Variants in MCF2L observed in about 807,000 individuals in gnomAD.
The protein encoded by MCF2L is MCF.2 cell line derived transforming sequence like.
In MCF2L, 97 loss-of-function variants were observed where a neutral mutation model predicts 153.4. The observed-to-expected ratio is 0.63, with a 90% CI of 0.54 to 0.75. The LOEUF (loss-of-function observed/expected upper bound fraction) is 0.75, where lower values mean the gene tolerates loss of function less well. Ranked by LOEUF, MCF2L falls within the 30% of genes least tolerant of loss-of-function variation. The pLI is 0.00. For synonymous variants in MCF2L, 659 were observed against 632.2 expected (o/e 1.04, Z -0.64); for missense variants, 1,347 against 1,495.2 (o/e 0.90, Z 1.64).
intron 4 of MCF2L, among the ~76,000 whole-genome samples, chr13:113,050,728 GGGGGGGCGGGGGGAGCGGGGGGGT>G: frequency 1.2e-4 from 3 of 25,518 alleles, no homozygotes; most frequent in African/African-American, 3.6e-4. Flanking sequence ...GGCGGGGGCG[GGGGGGGCGGGGGGAGCGGGGGGGT>G]GCGGGGGGCG....
chr13:112,938,270 T>A (rs536907180), intron 2 of MCF2L, among the ~76,000 whole-genome samples: 5 of 149,442 alleles, frequency 3.3e-5, no homozygotes, highest in Admixed American at 3.3e-4. Context: ...ATGGGTTGGT[T>A]CAGGTGAGCG....
chr13:112,950,639 T>C lies in MCF2L; in HGVS notation c.169+48268T>C, dbSNP rs1415044791. 2.0e-5 allele frequency among the ~76,000 whole-genome samples: 3 copies of C among 152,198 alleles called. 1 individual carries two copies. The highest frequency in any genetic ancestry group is 2.0e-4 in the Admixed American group (3 of 15,282). On this transcript the variant is annotated intron_variant, in intron 2 of 29. Transcript: ENST00000375608. Reference sequence around the variant, plus strand: ...AATTCAGTGGAAGAAAGATAGTCTTTTCAACAAATAGTGCTGAAGTAATTG... The same window carrying C: ...AATTCAGTGGAAGAAAGATAGTCTTCTCAACAAATAGTGCTGAAGTAATTG...
chr13:113,094,703 C>T (rs1479370961), intron 27 of MCF2L, 68 bp downstream of exon 27: 2 of 1,535,048 alleles, frequency 1.3e-6, no homozygotes, highest in Non-Finnish European at 1.8e-6. Flanking sequence ...GTGCTTCTGG[C>T]AGGTCCACCC....
chr13:113,020,207 TA>T (rs1396084706), intron 2 of MCF2L, among the ~76,000 whole-genome samples: 1 of 152,220 alleles, frequency 6.6e-6, no homozygotes. Flanking sequence ...CATAGTAAAT[TA>T]ACCACTGGAA....
In MCF2L at chr13:113,014,843, T is replaced by C; in HGVS notation, c.160T>C (p.Ser54Pro). ...DQLKKRFAYL[S>P]GGRGQDGSPV... ...GCTAAAGAAGCGCTTTGCTTACCTGTCCGGTGAGTTCCAGAAGCTGGGATG... is the reference window on the plus strand; with the variant it reads ...GCTAAAGAAGCGCTTTGCTTACCTGCCCGGTGAGTTCCAGAAGCTGGGATG... The change falls in exon 2 of 30, where the codon TCC becomes CCC. Residue 54 changes from serine (S) to proline (P), a missense_variant. Physicochemically the swap from Ser to Pro is moderately conservative, Grantham distance 74. Coordinates refer to ENST00000535094, the MANE Select transcript of MCF2L (RefSeq NM_001112732.3). The C allele has an allele frequency of 6.2e-7, 1 of 1,612,952 alleles. No homozygotes were observed. Among genetic ancestry groups the C allele is most frequent in the Non-Finnish European group, 8.5e-7 (1 of 1,179,256 alleles).
Position 112,979,599 on chromosome 13 carries a change from C to T in MCF2L, c.79+10141C>T, listed in dbSNP as rs545692471. On this transcript the variant is annotated intron_variant, in intron 1 of 29. Transcript: ENST00000535094. ...CTGTGGCTCTAGCATCAGGGGGTCGCCTGTGGTCCCTGCGTGAAGAACCAG... is the reference window on the plus strand; with the variant it reads ...CTGTGGCTCTAGCATCAGGGGGTCGTCTGTGGTCCCTGCGTGAAGAACCAG... 1.8e-3 allele frequency: 2,913 copies of T among 1,603,482 alleles called. 3 individuals are homozygous for T. Among genetic ancestry groups the T allele is most frequent in the Non-Finnish European group, 2.1e-3 (2,526 of 1,176,246 alleles).
chr13:113,057,974 G>T (rs1407141348), intron 4 of MCF2L, among the ~76,000 whole-genome samples: 5 of 145,080 alleles, frequency 3.4e-5, no homozygotes, highest in Non-Finnish European at 7.5e-5. Context: ...CACTGTTTGG[G>T]TGCTGAGTGT....
intron 4 of MCF2L, among the ~76,000 whole-genome samples, chr13:113,050,793 G>A (rs1484268776): frequency 2.3e-4 from 33 of 146,394 alleles, no homozygotes; most frequent in Non-Finnish European, 4.2e-4. Context: ...GCAGGGGGCG[G>A]TGGGAGCGGT....
Position 113,087,246 on chromosome 13 carries a change from C to T in MCF2L, c.2385C>T (p.Gly795=), listed in dbSNP as rs117189528. ...IAITGYDGNL[G]DLGKLLMQGS... ...TGTCGCACATTTAGGGGAATCTCGGCGACCTGGGCAAGCTGCTGATGCAGG... is the reference window on the plus strand; with the variant it reads ...TGTCGCACATTTAGGGGAATCTCGGTGACCTGGGCAAGCTGCTGATGCAGG... Residue 795 remains glycine (G), a synonymous_variant, in exon 22 of 30, where the codon GGC becomes GGT. Coordinates refer to ENST00000535094, the MANE Select transcript of MCF2L (RefSeq NM_001112732.3). 3,160 of 1,611,416 alleles carry T rather than the reference C, an allele frequency of 2.0e-3. 5 individuals carry two copies. The highest frequency in any genetic ancestry group is 2.4e-3 in the Non-Finnish European group (2,860 of 1,179,672).
chr13:113,081,890 T>C (rs1221357603), intron 16 of MCF2L, among the ~76,000 whole-genome samples: 1 of 151,156 alleles, frequency 6.6e-6, no homozygotes, highest in Non-Finnish European at 1.5e-5. Flanking sequence ...CAGGTGGTGG[T>C]CAACTGAGTG....
chr13:113,014,864 G>T lies in MCF2L; in HGVS notation c.163+18G>T. On this transcript the variant is annotated intron_variant, in intron 2 of 29. Coordinates refer to ENST00000535094, the MANE Select transcript of MCF2L (RefSeq NM_001112732.3). ...CCTGTCCGGTGAGTTCCAGAAGCTG[G>T]GATGGGGTGGAGAGGGAGGGGTCTG... 6.2e-7 allele frequency: 1 copy of T among 1,612,620 alleles called. No individual in the cohort carries two copies.
At chr13:112,909,201 C>G (rs1024375347) in intron 2 of MCF2L, 5 of 779,402 alleles carry the variant, frequency 6.4e-6, no homozygotes, top group Non-Finnish European at 1.2e-5. Context: ...GAGGGAGCCC[C>G]TGTAACCAAC....
At chr13:112,948,611 A>G (rs2081660628) in intron 2 of MCF2L, among the ~76,000 whole-genome samples, 1 of 152,216 alleles carries the variant, frequency 6.6e-6, no homozygotes, top group Non-Finnish European at 1.5e-5. Context: ...TGAGAGGGGA[A>G]TTTTTAGCAC....
At chr13:112,931,760 A>G (rs2081466072) in intron 2 of MCF2L, among the ~76,000 whole-genome samples, 2 of 152,302 alleles carry the variant, frequency 1.3e-5, no homozygotes, top group East Asian at 1.9e-4. Context: ...ATCATCTTAC[A>G]GTGACAGAAA....
At chr13:113,044,675 G>A (rs373423519) in intron 3 of MCF2L, 12 of 1,612,290 alleles carry the variant, frequency 7.4e-6, no homozygotes, top group East Asian at 2.2e-5. Flanking sequence ...AGGCTCATCC[G>A]AGGACGGAGG....
At chr13:113,061,958 C>T (rs1231174502) in intron 5 of MCF2L, among the ~76,000 whole-genome samples, 1 of 138,940 alleles carries the variant, frequency 7.2e-6, no homozygotes, top group African/African-American at 2.8e-5. Flanking sequence ...TGCCCACCCC[C>T]ACGCAGTCCA....
At chr13:113,084,189 T>G in intron 18 of MCF2L, 122 bp downstream of exon 18, 1 of 842,488 alleles carries the variant, frequency 1.2e-6, no homozygotes, top group Non-Finnish European at 2.0e-6. Flanking sequence ...TGTTTTCAAT[T>G]TGGCTGAGAT....
At chr13:112,998,604 G>C (rs1445097823) in intron 1 of MCF2L, among the ~76,000 whole-genome samples, 1 of 152,178 alleles carries the variant, frequency 6.6e-6, no homozygotes, top group East Asian at 1.9e-4. Context: ...TTCAAAATGT[G>C]TGTCCCTGGG....
rs973012513 is a variant in MCF2L at position 112,990,446 on chromosome 13, C to A, written c.79+20988C>A. Among the ~76,000 whole-genome samples, 3 of 151,964 alleles carry A rather than the reference C, an allele frequency of 2.0e-5. No homozygotes were observed. In the South Asian group the frequency reaches 6.2e-4, roughly 32 times the overall value. The stretch of plus-strand genomic sequence containing the variant: ...GCAAGTGCTTATCCCACATACGGTG[C>A]CTTGAGAAGTGTGACATAATAAACC... On this transcript the variant is annotated intron_variant, in intron 1 of 29. Coordinates refer to ENST00000535094, the MANE Select transcript of MCF2L (RefSeq NM_001112732.3).
Sources: allele counts gnomAD v4.1 joint callset (sites outside exome capture counted in the v4.1 genomes callset), GRCh38; gene constraint gnomAD v4.1.1; transcripts MANE v1.5; gene names NCBI Gene and HGNC (gene_info 2026-07-23, HGNC 2026-07-21).